Variants in EYA4 observed in about 807,000 individuals in gnomAD.
EYA4 encodes EYA transcriptional coactivator and phosphatase 4, also known as protein phosphatase EYA4.
EYA4 carries 31 observed loss-of-function variants against 87.9 expected under a neutral mutation model. The ratio of observed to expected loss-of-function variants is 0.35; its 90% CI spans 0.27 to 0.48. The LOEUF (loss-of-function observed/expected upper bound fraction) is 0.48. Ranked by LOEUF, EYA4 falls within the 20% of genes least tolerant of loss-of-function variation. EYA4 has a pLI of 0.99. For synonymous variants in EYA4, 263 were observed against 270.6 expected (o/e 0.97, Z 0.28); for missense variants, 678 against 761.4 (o/e 0.89, Z 1.29).
At chr6:133,391,216 G>GTT (rs1171912624) in intron 3 of EYA4, among the ~76,000 whole-genome samples, 1,723 of 68,290 alleles carry the variant, frequency 0.025, 55 homozygotes, top group Non-Finnish European at 0.041. Flanking sequence ...TTTGGGTTTT[G>GTT]TTTTTGTTTT....
chr6:133,453,348 A>G (rs541059033), intron 5 of EYA4, among the ~76,000 whole-genome samples: 1 of 152,176 alleles, frequency 6.6e-6, no homozygotes, highest in African/African-American at 2.4e-5. Flanking sequence ...TTCTAGCTTC[A>G]GTGAAAATAA....
At chr6:133,326,576 C>A (rs1037505239) in intron 2 of EYA4, among the ~76,000 whole-genome samples, 1 of 152,184 alleles carries the variant, frequency 6.6e-6, no homozygotes, top group African/African-American at 2.4e-5. Context: ...TAGTTATCAG[C>A]GTTACTATTG....
intron 3 of EYA4, among the ~76,000 whole-genome samples, chr6:133,430,846 ATAAAT>A (rs1229875315): frequency 2.6e-5 from 4 of 152,234 alleles, no homozygotes; most frequent in Non-Finnish European, 5.9e-5. Flanking sequence ...AGCCAATTAA[ATAAAT>A]TAATATACAA....
chr6:133,464,950 G>A (rs945702546), intron 10 of EYA4, 92 bp downstream of exon 10: 1 of 761,978 alleles, frequency 1.3e-6, no homozygotes, highest in South Asian at 1.6e-5. Context: ...TACTCTCCCA[G>A]AATAAGGTTT....
At chr6:133,440,320 A>G (rs1373432050) in intron 3 of EYA4, among the ~76,000 whole-genome samples, 1 of 152,200 alleles carries the variant, frequency 6.6e-6, no homozygotes, top group East Asian at 1.9e-4. Context: ...TCAATTAACA[A>G]TCTAGTAGTT....
intron 13 of EYA4, among the ~76,000 whole-genome samples, chr6:133,503,239 G>A (rs1798292700): frequency 6.6e-6 from 1 of 152,146 alleles, no homozygotes; most frequent in Admixed American, 6.5e-5. Flanking sequence ...TACTTCAGAA[G>A]CATGGAATTG....
At chr6:133,343,221 A>G (rs532498685) in intron 2 of EYA4, among the ~76,000 whole-genome samples, 1 of 152,328 alleles carries the variant, frequency 6.6e-6, no homozygotes, top group East Asian at 1.9e-4. Flanking sequence ...TATCAGAACA[A>G]AATTGTACAT....
intron 3 of EYA4, among the ~76,000 whole-genome samples, chr6:133,432,687 C>T (rs1336534): frequency 0.32 from 47,814 of 151,720 alleles, 7,704 homozygotes; most frequent in East Asian, 0.44. Flanking sequence ...ACTGCATGTT[C>T]GTCTTTTTTT....
At chr6:133,461,027 G>A (rs1794335701) in intron 6 of EYA4, 87 bp from the exon 7 acceptor site, 1 of 883,676 alleles carries the variant, frequency 1.1e-6, no homozygotes, top group East Asian at 2.4e-5. Context: ...ATTTAACATG[G>A]TAATTTCTTC....
chr6:133,315,996 T>A (rs551652404), intron 2 of EYA4, among the ~76,000 whole-genome samples: 1 of 152,124 alleles, frequency 6.6e-6, no homozygotes, highest in African/African-American at 2.4e-5. Flanking sequence ...CTAGGCAGCA[T>A]GTACTCCAGA....
chr6:133,498,821 C>T (rs894684990), intron 13 of EYA4, among the ~76,000 whole-genome samples: 1 of 152,150 alleles, frequency 6.6e-6, no homozygotes, highest in Non-Finnish European at 1.5e-5. Flanking sequence ...ATTGGGGAAT[C>T]ATTGCTACCT....
chr6:133,388,477 G>A (rs887005286), intron 3 of EYA4, among the ~76,000 whole-genome samples: 2 of 150,996 alleles, frequency 1.3e-5, no homozygotes, highest in African/African-American at 4.9e-5. Flanking sequence ...GTGCCCAATC[G>A]ACCCTTCCAG....
chr6:133,296,681 G>A (rs1285767301), intron 2 of EYA4, among the ~76,000 whole-genome samples: 2 of 152,150 alleles, frequency 1.3e-5, no homozygotes, highest in African/African-American at 2.4e-5. Context: ...TTCAGTTTTT[G>A]TATGATGTGG....
At chr6:133,285,471 A>T (rs1351652385) in intron 2 of EYA4, among the ~76,000 whole-genome samples, 1 of 152,184 alleles carries the variant, frequency 6.6e-6, no homozygotes, top group Non-Finnish European at 1.5e-5. Context: ...CAAGGCAGAA[A>T]TAAGGCTGCA....
chr6:133,320,249 G>T (rs1164801346), intron 2 of EYA4, among the ~76,000 whole-genome samples: 5 of 150,592 alleles, frequency 3.3e-5, no homozygotes, highest in African/African-American at 1.2e-4. Context: ...TATACAGCAT[G>T]GTTTTCTTTC....
intron 3 of EYA4, among the ~76,000 whole-genome samples, chr6:133,417,872 C>T (rs1789872335): frequency 6.6e-6 from 1 of 152,126 alleles, no homozygotes; most frequent in Admixed American, 6.6e-5. Context: ...TCTGTTCTTT[C>T]CACAGGCGCC....
rs201182361 is a variant in EYA4, at chr6:133,494,465, TAGAC to T, written c.1191+11354_1191+11357del. 9.5e-3 allele frequency among the ~76,000 whole-genome samples: 1,445 copies of T among 152,136 alleles called. 8 individuals carry two copies. The highest frequency in any genetic ancestry group is 0.017 in the Middle Eastern group (5 of 294). On this transcript the variant is annotated intron_variant, in intron 13 of 19. Transcript: ENST00000355286. ...TGGTTAATGGGTACAAAAATATAGTTAGACAGAATGAATAACATCTAGTATTTGA... is the reference window on the plus strand; with the variant it reads ...TGGTTAATGGGTACAAAAATATAGTTAGAATGAATAACATCTAGTATTTGA...
intron 2 of EYA4, among the ~76,000 whole-genome samples, chr6:133,358,501 G>A (rs1220680100): frequency 6.6e-6 from 1 of 152,178 alleles, no homozygotes; most frequent in Admixed American, 6.5e-5. Flanking sequence ...ATCGAATGTA[G>A]TTGGGATTTT....
At chr6:133,247,176 A>C (rs1316770125) in intron 1 of EYA4, 2 of 152,232 alleles carry the variant, frequency 1.3e-5, no homozygotes. Context: ...GAAACGTATT[A>C]AGTAACAGTG....
Sources: gnomAD v4.1 joint callset for allele counts (sites outside exome capture counted in the v4.1 genomes callset) on GRCh38, gnomAD v4.1.1 for gene constraint, MANE v1.5 for transcripts, NCBI Gene and HGNC (gene_info 2026-07-23, HGNC 2026-07-21) for gene names.